PARD3B: variants seen among roughly 807,000 people sequenced by gnomAD.
PARD3B encodes partitioning defective 3 homolog B.
PARD3B carries 103 observed loss-of-function variants against 130.2 expected under a neutral mutation model. That is an observed-to-expected ratio of 0.79 (90% confidence interval 0.67 to 0.93). PARD3B has a LOEUF of 0.93. PARD3B is among the 40% of genes least tolerant of loss of function. The pLI is 0.00. For missense variants in PARD3B, 1,609 were observed against 1,499.2 expected (o/e 1.07, Z -1.21); for synonymous variants, 583 against 553.2 (o/e 1.05, Z -0.76).
chr2:205,073,993 C>T (rs1382021832), intron 4 of PARD3B, among the ~76,000 whole-genome samples: 1 of 152,164 alleles, frequency 6.6e-6, no homozygotes, highest in African/African-American at 2.4e-5. Context: ...ACAAAATGCA[C>T]TTCAGTCCCA....
At chr2:205,475,678 G>T (rs2048999522) in intron 20 of PARD3B, among the ~76,000 whole-genome samples, 1 of 152,092 alleles carries the variant, frequency 6.6e-6, no homozygotes, top group South Asian at 2.1e-4. Flanking sequence ...TTATGAAGAA[G>T]AACTTACTTG....
chr2:204,983,815 G>A (rs538180795), intron 3 of PARD3B, among the ~76,000 whole-genome samples: 3 of 152,192 alleles, frequency 2.0e-5, no homozygotes, highest in East Asian at 3.9e-4. Context: ...ACATAACATA[G>A]TTGCATTTTC....
chr2:205,200,855 G>A (rs1190040926), intron 15 of PARD3B, among the ~76,000 whole-genome samples: 1 of 152,186 alleles, frequency 6.6e-6, no homozygotes, highest in Non-Finnish European at 1.5e-5. Context: ...CTAAAGTCAG[G>A]TTAAAAAAGA....
chr2:205,612,412 A>C (rs1575486925), intron 22 of PARD3B, among the ~76,000 whole-genome samples: 1 of 152,136 alleles, frequency 6.6e-6, no homozygotes. Context: ...AAAGTGCTGG[A>C]ATTACAGGCA....
At chr2:205,448,075 G>A (rs1230111364) in intron 20 of PARD3B, among the ~76,000 whole-genome samples, 1 of 152,194 alleles carries the variant, frequency 6.6e-6, no homozygotes, top group African/African-American at 2.4e-5. Flanking sequence ...AGAAAACACA[G>A]CAAATGACCT....
At chr2:204,902,758 T>TTTTTC (rs2046914371) in intron 2 of PARD3B, among the ~76,000 whole-genome samples, 1 of 152,256 alleles carries the variant, frequency 6.6e-6, no homozygotes, top group South Asian at 2.1e-4. Flanking sequence ...TGTCCTATTT[T>TTTTTC]TTTTCTTTCT....
At chr2:204,690,933 G>T (rs909790404) in intron 2 of PARD3B, among the ~76,000 whole-genome samples, 1 of 152,124 alleles carries the variant, frequency 6.6e-6, no homozygotes, top group Non-Finnish European at 1.5e-5. Context: ...ATGATCCTCA[G>T]TTTATTGGGT....
intron 18 of PARD3B, among the ~76,000 whole-genome samples, chr2:205,306,963 T>C (rs1260969325): frequency 4.6e-5 from 7 of 152,230 alleles, no homozygotes; most frequent in Non-Finnish European, 1.0e-4. Context: ...TAAGTATGTA[T>C]TATTTTTTCC....
At chr2:205,129,348 G>T (rs1364731315) in intron 10 of PARD3B, among the ~76,000 whole-genome samples, 1 of 152,214 alleles carries the variant, frequency 6.6e-6, no homozygotes, top group Admixed American at 6.5e-5. Flanking sequence ...GTGATGTTTG[G>T]CACGTGCTGG....
At chr2:204,952,797 G>C (rs1689884608) in intron 2 of PARD3B, among the ~76,000 whole-genome samples, 1 of 152,030 alleles carries the variant, frequency 6.6e-6, no homozygotes, top group Non-Finnish European at 1.5e-5. Context: ...AGGAGATGGA[G>C]ACCATCCTGG....
chr2:205,347,737 G>A (rs1185677116), intron 18 of PARD3B: 3 of 152,178 alleles, frequency 2.0e-5, no homozygotes, highest in Non-Finnish European at 2.9e-5. Context: ...TGATATGTGT[G>A]TTATTTGTCT....
intron 1 of PARD3B, among the ~76,000 whole-genome samples, chr2:204,594,619 T>C (rs547357613): frequency 4.6e-5 from 7 of 152,304 alleles, no homozygotes; most frequent in African/African-American, 1.7e-4. Context: ...CACCTGCAGT[T>C]GACCGTAATT....
At chr2:204,607,042 A>G (rs1273445231) in intron 1 of PARD3B, among the ~76,000 whole-genome samples, 1 of 152,194 alleles carries the variant, frequency 6.6e-6, no homozygotes, top group Non-Finnish European at 1.5e-5. Flanking sequence ...TTCTGGCAGC[A>G]TACCAGAATT....
chr2:205,604,440 A>AAC (rs1437045093), intron 22 of PARD3B, among the ~76,000 whole-genome samples: 2 of 152,170 alleles, frequency 1.3e-5, no homozygotes, highest in African/African-American at 4.8e-5. Flanking sequence ...CTATCATGAG[A>AAC]ACAGCATGGG....
At chr2:204,682,746 G>A (rs532591253) in intron 1 of PARD3B, among the ~76,000 whole-genome samples, 1 of 152,026 alleles carries the variant, frequency 6.6e-6, no homozygotes, top group East Asian at 1.9e-4. Context: ...ATCTTGCTTG[G>A]GCCCCTCCAA....
Position 205,183,854 on chromosome 2 carries a change from C to T in PARD3B, c.1925-1910C>T, listed in dbSNP as rs1166685268. Among the ~76,000 whole-genome samples, 3 of 151,550 alleles carry T rather than the reference C, an allele frequency of 2.0e-5. No individual in the cohort carries two copies. The highest frequency in any genetic ancestry group is 4.4e-5 in the Non-Finnish European group (3 of 67,982). ...AGGATCTGCAGGATGAGTCAGCAAGCTGGGGTTGCAGAAGAGTTGATGGTG... is the reference window on the plus strand; with the variant it reads ...AGGATCTGCAGGATGAGTCAGCAAGTTGGGGTTGCAGAAGAGTTGATGGTG... On this transcript the variant is annotated intron_variant, in intron 13 of 22. Transcript: ENST00000406610. The surrounding 1 kb of genome is among the most constrained non-coding windows in gnomAD (Gnocchi z 5.2).
chr2:204,799,316 C>T lies in PARD3B; in HGVS notation c.222+113034C>T, dbSNP rs1198124554. On this transcript the variant is annotated intron_variant, in intron 2 of 22. Transcript: ENST00000406610. This position sits in a 1 kb window ranked among gnomAD's most constrained non-coding sequence, Gnocchi z 4.1. ...AAAGGACAGGGAAGAGTGGGGAGGA[C>T]TTTGTCATGTGGCTTGAATGCCAGC... 6.6e-6 allele frequency among the ~76,000 whole-genome samples: 1 copy of T among 152,188 alleles called. No homozygotes were observed. The highest frequency in any genetic ancestry group is 6.5e-5 in the Admixed American group (1 of 15,286).
At chr2:204,732,049 C>A (rs947041303) in intron 2 of PARD3B, among the ~76,000 whole-genome samples, 49 of 151,162 alleles carry the variant, frequency 3.2e-4, no homozygotes, top group African/African-American at 1.2e-3. Context: ...AGCCATAACT[C>A]ACCATTCCTC....
intron 2 of PARD3B, among the ~76,000 whole-genome samples, chr2:204,919,886 G>C (rs1370024170): frequency 6.6e-6 from 1 of 151,904 alleles, no homozygotes; most frequent in African/African-American, 2.4e-5. Context: ...ACATTTCTGT[G>C]CATCTCCGAG....
Sources: allele counts gnomAD v4.1 joint callset (sites outside exome capture counted in the v4.1 genomes callset), GRCh38; gene constraint gnomAD v4.1.1; non-coding constraint Gnocchi (gnomAD v3.1); transcripts MANE v1.5; gene names NCBI Gene and HGNC (gene_info 2026-07-23, HGNC 2026-07-21).